Variants in KHDRBS2 observed in about 807,000 individuals in gnomAD.
KHDRBS2 encodes KH domain-containing, RNA-binding, signal transduction-associated protein 2.
Under a neutral mutation model 44.3 loss-of-function variants are expected in KHDRBS2, and 26 were observed. The ratio of observed to expected loss-of-function variants is 0.59; its 90% CI spans 0.43 to 0.81. KHDRBS2 has a LOEUF of 0.81. Among genes scored for constraint, KHDRBS2 ranks in the 40% least tolerant of loss-of-function variants. The probability of loss-of-function intolerance (pLI) is 0.00; values close to 1 mark genes in which losing one functional copy is unlikely to be tolerated. For missense variants in KHDRBS2, 476 were observed against 433.1 expected (o/e 1.10, Z -0.88); for synonymous variants, 194 against 151.1 (o/e 1.28, Z -2.08).
At chr6:62,022,201 A>C (rs1437800480) in intron 3 of KHDRBS2, among the ~76,000 whole-genome samples, 1 of 151,728 alleles carries the variant, frequency 6.6e-6, no homozygotes, top group African/African-American at 2.4e-5. Flanking sequence ...AAAAGTAAAA[A>C]AATGTTTCCT....
chr6:62,269,186 A>C (rs1327185003), intron 1 of KHDRBS2, among the ~76,000 whole-genome samples: 27 of 152,112 alleles, frequency 1.8e-4, no homozygotes, highest in Admixed American at 1.8e-3. Context: ...TGACCTTGAT[A>C]TAGGCAAAGA....
At chr6:62,157,952 C>A (rs1816817473) in intron 2 of KHDRBS2, among the ~76,000 whole-genome samples, 1 of 152,154 alleles carries the variant, frequency 6.6e-6, no homozygotes, top group African/African-American at 2.4e-5. Context: ...CCTCAATCTT[C>A]TCTTCTGTAC....
intron 2 of KHDRBS2, among the ~76,000 whole-genome samples, chr6:62,127,409 C>T (rs544176393): frequency 8.6e-5 from 13 of 151,950 alleles, no homozygotes; most frequent in African/African-American, 2.9e-4. Context: ...CAAGCACTTG[C>T]GAGGCAAATG....
the KHDRBS2 span, among the ~76,000 whole-genome samples, chr6:61,593,755 G>A: frequency 6.6e-6 from 1 of 152,068 alleles, no homozygotes; most frequent in Admixed American, 6.6e-5. Context: ...TGTAATATCT[G>A]TATGAATTGG....
chr6:62,152,083 T>C (rs58114783), intron 2 of KHDRBS2, among the ~76,000 whole-genome samples: 6,627 of 151,940 alleles, frequency 0.044, 481 homozygotes, highest in African/African-American at 0.15. Flanking sequence ...ACTTTGGGAG[T>C]CCGAGGCGGG....
intron 1 of KHDRBS2, among the ~76,000 whole-genome samples, chr6:62,211,054 C>A (rs961962360): frequency 7.9e-5 from 12 of 152,034 alleles, no homozygotes; most frequent in Non-Finnish European, 1.5e-4. Context: ...TCCAAATGAT[C>A]CCTTTTAGTT....
At chr6:62,107,862 G>A (rs373924973) in intron 2 of KHDRBS2, among the ~76,000 whole-genome samples, 35 of 152,188 alleles carry the variant, frequency 2.3e-4, no homozygotes, top group Non-Finnish European at 2.9e-4. Flanking sequence ...CCTATTTAAT[G>A]AATGGTGCTG....
chr6:61,793,141 A>C (rs1411613435), intron 6 of KHDRBS2, among the ~76,000 whole-genome samples: 2 of 151,776 alleles, frequency 1.3e-5, no homozygotes, highest in Non-Finnish European at 2.9e-5. Flanking sequence ...GATATTAGAA[A>C]CCAGTGGTGA....
intron 1 of KHDRBS2, among the ~76,000 whole-genome samples, chr6:62,269,897 C>G (rs1347896989): frequency 6.6e-6 from 1 of 152,000 alleles, no homozygotes; most frequent in Non-Finnish European, 1.5e-5. Context: ...TACTTCTCAG[C>G]TATAAAAGAA....
At chr6:61,710,846 T>A (rs1341506921) in intron 7 of KHDRBS2, among the ~76,000 whole-genome samples, 1 of 140,866 alleles carries the variant, frequency 7.1e-6, no homozygotes, top group Non-Finnish European at 1.5e-5. Flanking sequence ...CAATGGTTTT[T>A]AACATCTAGT....
chr6:62,075,138 T>A (rs1468751507), intron 2 of KHDRBS2, among the ~76,000 whole-genome samples: 2 of 151,904 alleles, frequency 1.3e-5, no homozygotes, highest in Non-Finnish European at 2.9e-5. Context: ...AATGTTTGTG[T>A]CCTCCCAAAA....
intron 2 of KHDRBS2, among the ~76,000 whole-genome samples, chr6:62,073,528 T>G (rs1445857858): frequency 1.6e-5 from 2 of 126,602 alleles, no homozygotes; most frequent in African/African-American, 6.3e-5. Flanking sequence ...TTTTTCTTTT[T>G]TCTTTTTTTT....
intron 6 of KHDRBS2, among the ~76,000 whole-genome samples, chr6:61,876,735 C>T (rs1232116633): frequency 6.6e-6 from 1 of 152,046 alleles, no homozygotes; most frequent in Non-Finnish European, 1.5e-5. Flanking sequence ...AAACTGCCAT[C>T]TCTGGGAATT....
chr6:61,964,447 C>A (rs1423043486), intron 4 of KHDRBS2, among the ~76,000 whole-genome samples: 1 of 151,972 alleles, frequency 6.6e-6, no homozygotes, highest in Non-Finnish European at 1.5e-5. Flanking sequence ...AAGAGAGACA[C>A]ATTTGCAAAT....
the KHDRBS2 span, among the ~76,000 whole-genome samples, chr6:61,648,907 T>A: frequency 6.6e-6 from 1 of 152,152 alleles, no homozygotes; most frequent in Admixed American, 6.6e-5. Context: ...CTTAATTTCA[T>A]CTCTATGCTA....
intron 6 of KHDRBS2, among the ~76,000 whole-genome samples, chr6:61,858,262 C>A (rs541458411): frequency 6.7e-6 from 1 of 149,872 alleles, no homozygotes; most frequent in Non-Finnish European, 1.5e-5. Context: ...AAAAAAAAAA[C>A]TATATAATGT....
chr6:61,548,978 TA>T, the KHDRBS2 span, among the ~76,000 whole-genome samples: 15 of 151,758 alleles, frequency 9.9e-5, no homozygotes, highest in Non-Finnish European at 1.9e-4. Context: ...AATGGGGTCT[TA>T]AAAAAAAGTC....
Position 61,732,708 on chromosome 6 carries a change from A to G in KHDRBS2, c.867T>C (p.Asp289=). 1 of 1,611,094 alleles carries G rather than the reference A, an allele frequency of 6.2e-7. No homozygotes were observed. The highest frequency in any genetic ancestry group is 8.5e-7 in the Non-Finnish European group (1 of 1,177,780). The change falls in exon 7 of 9, where the codon GAT becomes GAC. Residue 289 remains aspartate, a synonymous_variant. Transcript: ENST00000281156. ...EYDDQTYETY[D]NSYATQTQSV... ...TTTGTGTTTGGGTCGCATAGCTGTT[A>G]TCATAAGTCTCATAGGTCTGGTCAT... is the stretch of plus-strand genomic sequence containing the variant.
chr6:61,759,881 TC>T (rs1405640213), intron 6 of KHDRBS2, among the ~76,000 whole-genome samples: 1 of 152,216 alleles, frequency 6.6e-6, no homozygotes, highest in African/African-American at 2.4e-5. Context: ...TTAACTTTTG[TC>T]TTTGCCCAGA....
Sources: gnomAD v4.1 joint callset for allele counts (sites outside exome capture counted in the v4.1 genomes callset) on GRCh38, gnomAD v4.1.1 for gene constraint, MANE v1.5 for transcripts, NCBI Gene and HGNC (gene_info 2026-07-23, HGNC 2026-07-21) for gene names.